The following SCARA3 variants were observed in gnomAD, a reference collection of about 807,000 sequenced individuals.
SCARA3 encodes cellular stress response gene protein.
A neutral mutation model predicts 47.0 loss-of-function variants in SCARA3; 39 were observed. The ratio of observed to expected loss-of-function variants is 0.83; its 90% CI spans 0.64 to 1.08. The LOEUF is 1.08. SCARA3 is among the 50% of genes least tolerant of loss of function. The probability of loss-of-function intolerance (pLI) is 0.00; values close to 1 mark genes in which losing one functional copy is unlikely to be tolerated. For missense variants in SCARA3, 724 were observed against 792.3 expected (o/e 0.91, Z 1.04); for synonymous variants, 356 against 334.1 (o/e 1.07, Z -0.71).
downstream of SCARA3, among the ~76,000 whole-genome samples, chr8:27,681,082 C>G (rs1802347413): frequency 6.6e-6 from 1 of 152,122 alleles, no homozygotes; most frequent in African/African-American, 2.4e-5. Context: ...AAATCAAGAA[C>G]AAGGCAAGAG....
chr8:27,678,276 GAGTA>G (rs1445707544), downstream of SCARA3, among the ~76,000 whole-genome samples: 4 of 152,122 alleles, frequency 2.6e-5, no homozygotes, highest in Admixed American at 2.6e-4. Flanking sequence ...ATCAACAAAT[GAGTA>G]AGTCTTTAGT....
At chr8:27,709,468 T>C in the SCARA3 span, among the ~76,000 whole-genome samples, 41 of 152,234 alleles carry the variant, frequency 2.7e-4, no homozygotes, top group African/African-American at 9.1e-4. Flanking sequence ...ACAGATACCA[T>C]TGGGTTCTGG....
At chr8:27,664,947 T>A (rs775935355) in intron 5 of SCARA3, among the ~76,000 whole-genome samples, 1 of 152,230 alleles carries the variant, frequency 6.6e-6, no homozygotes, top group Non-Finnish European at 1.5e-5. Flanking sequence ...TCTCTCACAA[T>A]TGAAAGCAAA....
chr8:27,676,137 G>A (rs181627786), downstream of SCARA3, among the ~76,000 whole-genome samples: 348 of 152,296 alleles, frequency 2.3e-3, 2 homozygotes, highest in Admixed American at 3.7e-3. Context: ...TCAAACCCAG[G>A]ATTTTTAGAA....
At chr8:27,675,135 G>A (rs1373773881), downstream of SCARA3, among the ~76,000 whole-genome samples, 1 of 152,114 alleles carries the variant, frequency 6.6e-6, no homozygotes, top group Admixed American at 6.5e-5. Flanking sequence ...CTTTCACCCT[G>A]GCGACCTCAC....
At chr8:27,708,166 G>A in the SCARA3 span, among the ~76,000 whole-genome samples, 140,053 of 152,218 alleles carry the variant, frequency 0.92, 65,581 homozygotes, top group Non-Finnish European at 1. Context: ...CGTCCAAACT[G>A]GAGAAGAATA....
chr8:27,670,942 T>A lies in SCARA3; in HGVS notation c.1412T>A (p.Met471Lys). 6.3e-7 allele frequency: 1 copy of A among 1,583,090 alleles called. No individual in the cohort carries two copies. ...GGACCAAGAGGATTCAAAGGAGATA[T>A]GGGCGTGAAAGGGCCTGTTGGCGGC... ...PPGPRGFKGD[M>K]GVKGPVGGRG... is the part of the protein sequence containing the mutation. Residue 471 changes from methionine to lysine, a missense_variant, in exon 6 of 6, where the codon ATG (methionine) becomes AAG (lysine). By Grantham distance (95) the Met-to-Lys change is moderately conservative. Transcript: ENST00000301904.
At chr8:27,728,391 C>A in the SCARA3 span, among the ~76,000 whole-genome samples, 3 of 152,196 alleles carry the variant, frequency 2.0e-5, no homozygotes, top group Non-Finnish European at 4.4e-5. Flanking sequence ...AAGAACCAGC[C>A]CTGGGGCCTC....
At chr8:27,732,897 TATC>T in the SCARA3 span, among the ~76,000 whole-genome samples, 1 of 152,324 alleles carries the variant, frequency 6.6e-6, no homozygotes, top group South Asian at 2.1e-4. Flanking sequence ...GTGTAAACTC[TATC>T]ATAAAAGAGG....
chr8:27,676,649 A>G (rs1399603062), downstream of SCARA3: 2 of 1,175,148 alleles, frequency 1.7e-6, no homozygotes, highest in East Asian at 4.8e-5. Flanking sequence ...TAATTTGAAA[A>G]TGAATTTGTT....
intron 3 of SCARA3, 45 bp downstream of exon 3, chr8:27,651,672 A>G (rs908341864): frequency 1.9e-6 from 3 of 1,606,076 alleles, no homozygotes; most frequent in East Asian, 4.5e-5. Flanking sequence ...GGGGTGTCTG[A>G]TCAGGGATCC....
In SCARA3 at chr8:27,671,695, C is replaced by T. The variant is rs1392535195; in HGVS notation, c.*344C>T. On this transcript the variant is annotated 3_prime_UTR_variant, in exon 6 of 6. Coordinates refer to ENST00000301904, the MANE Select transcript of SCARA3 (RefSeq NM_016240.3). ...GCACACATACACGTGCACACATACA[C>T]AGGCACACATGCATGCACACATACA... The T allele has an allele frequency of 4.7e-6, 5 of 1,069,428 alleles. No individual in the cohort carries two copies. Among genetic ancestry groups the T allele is most frequent in the Non-Finnish European group, 5.7e-6 (5 of 878,512 alleles). The allele number at this position is 1,069,428 out of a possible 1,614,324, so 66.2% of individuals were successfully genotyped here.
the SCARA3 span, among the ~76,000 whole-genome samples, chr8:27,715,861 G>GATAC: frequency 4.6e-5 from 2 of 43,066 alleles, no homozygotes; most frequent in East Asian, 8.8e-4. This position sits in a 1 kb window ranked among gnomAD's most constrained non-coding sequence, Gnocchi z 4.2. Flanking sequence ...TAGATAGATA[G>GATAC]ATACATAGAT....
chr8:27,666,763 C>T (rs1189066741), intron 5 of SCARA3, among the ~76,000 whole-genome samples: 1 of 152,146 alleles, frequency 6.6e-6, no homozygotes, highest in Non-Finnish European at 1.5e-5. Flanking sequence ...ATGCACTGCC[C>T]CTCCCATGGG....
At position 27,651,618 on chromosome 8, in the gene SCARA3, G is replaced by A; in HGVS notation, c.217G>A (p.Ala73Thr). Residue 73 changes from alanine to threonine, a missense_variant, in exon 3 of 6, where the codon GCC becomes ACC. By Grantham distance (58) the Ala-to-Thr change is moderately conservative (BLOSUM62 0). Transcript: ENST00000301904. Reference protein sequence around the residue: ...ALLLVAVAVLASLVFRKVDSL... With the variant: ...ALLLVAVAVLTSLVFRKVDSL... The stretch of plus-strand genomic sequence containing the variant: ...GCTCCTGGTGGCCGTGGCTGTGTTG[G>A]CCTCTCTGGGTGAGTCCGGGGCTTT... The A allele has an allele frequency of 6.2e-7, 1 of 1,614,034 alleles. No homozygotes were observed. Among genetic ancestry groups the A allele is most frequent in the Non-Finnish European group, 8.5e-7 (1 of 1,179,996 alleles).
the SCARA3 span, among the ~76,000 whole-genome samples, chr8:27,728,790 G>A: frequency 3.3e-5 from 5 of 152,212 alleles, no homozygotes; most frequent in African/African-American, 9.6e-5. Context: ...TTGGGAGGCC[G>A]AGGTGGGAGA....
rs756506915 is a variant in SCARA3 at position 27,651,503 on chromosome 8, C to A, written c.107-5C>A. On this transcript the variant is annotated splice_polypyrimidine_tract_variant and splice_region_variant and intron_variant, in intron 2 of 5. Transcript: ENST00000301904. ...AAGCCATTGTCCTCCTTGTGTCCCC[C>A]ACAGGCCGGCCAGGGCCCCGCTGCA... The A allele has an allele frequency of 6.2e-7, 1 of 1,610,970 alleles. No homozygotes were observed. Among genetic ancestry groups the A allele is most frequent in the South Asian group, 1.1e-5 (1 of 90,964 alleles).
chr8:27,666,429 T>G (rs1022724553), intron 5 of SCARA3, among the ~76,000 whole-genome samples: 2 of 152,210 alleles, frequency 1.3e-5, no homozygotes, highest in African/African-American at 4.8e-5. Flanking sequence ...AGGTTGAATC[T>G]GTCATAAACT....
At chr8:27,704,904 A>G in the SCARA3 span, among the ~76,000 whole-genome samples, 1 of 152,178 alleles carries the variant, frequency 6.6e-6, no homozygotes, top group African/African-American at 2.4e-5. Context: ...AGCGCCCTGC[A>G]GGGTAATCCA....
Sources: allele counts gnomAD v4.1 joint callset (sites outside exome capture counted in the v4.1 genomes callset), GRCh38; gene constraint gnomAD v4.1.1; non-coding constraint Gnocchi (gnomAD v3.1); transcripts MANE v1.5; gene names NCBI Gene and HGNC (gene_info 2026-07-23, HGNC 2026-07-21).